Variants in SLC30A8 observed in about 807,000 individuals in gnomAD.
SLC30A8 encodes proton-coupled zinc antiporter SLC30A8.
A neutral mutation model predicts 36.9 loss-of-function variants in SLC30A8; 27 were observed. The observed-to-expected ratio is 0.73, with a 90% CI of 0.54 to 1.01. SLC30A8 has a LOEUF of 1.01. Among genes scored for constraint, SLC30A8 ranks in the 50% least tolerant of loss-of-function variants. The pLI, the probability that SLC30A8 is intolerant of heterozygous loss-of-function variation, is 0.00. For missense variants in SLC30A8, 439 were observed against 452.0 expected, an observed-to-expected ratio of 0.97 and a Z score of 0.26; for synonymous variants, 164 against 172.4, an observed-to-expected ratio of 0.95 and a Z score of 0.38.
At chr8:117,062,675 G>A (rs1300956672) in intron 2 of SLC30A8, among the ~76,000 whole-genome samples, 1 of 152,216 alleles carries the variant, frequency 6.6e-6, no homozygotes, top group Non-Finnish European at 1.5e-5. Context: ...TGGCACATAA[G>A]TGTGGCCATA....
At chr8:117,089,017 C>T (rs1027857904) in intron 2 of SLC30A8, among the ~76,000 whole-genome samples, 2 of 152,238 alleles carry the variant, frequency 1.3e-5, no homozygotes, top group Non-Finnish European at 2.9e-5. Flanking sequence ...GTCCTCACTG[C>T]ATATTTCACC....
chr8:117,041,067 A>T (rs2130756608), intron 2 of SLC30A8, among the ~76,000 whole-genome samples: 1 of 152,350 alleles, frequency 6.6e-6, no homozygotes, highest in East Asian at 1.9e-4. Flanking sequence ...GCACAGATGC[A>T]TGCTGGATTC....
At chr8:116,952,503 G>A (rs914362227) in intron 1 of SLC30A8, among the ~76,000 whole-genome samples, 1 of 151,922 alleles carries the variant, frequency 6.6e-6, no homozygotes, top group African/African-American at 2.4e-5. Flanking sequence ...GGAGTGCAGA[G>A]GCATGATTTC....
chr8:116,959,904 T>C (rs549986726), intron 1 of SLC30A8, among the ~76,000 whole-genome samples: 1 of 152,246 alleles, frequency 6.6e-6, no homozygotes, highest in Non-Finnish European at 1.5e-5. Context: ...GCATATCCCC[T>C]GAAGATCTTG....
At chr8:117,102,192 T>C (rs984208146) in intron 2 of SLC30A8, among the ~76,000 whole-genome samples, 2 of 152,228 alleles carry the variant, frequency 1.3e-5, no homozygotes, top group Non-Finnish European at 2.9e-5. Flanking sequence ...ACTTGAATTT[T>C]AGCTTGTGCT....
At chr8:117,079,024 T>C (rs1262555573) in intron 2 of SLC30A8, among the ~76,000 whole-genome samples, 1 of 151,662 alleles carries the variant, frequency 6.6e-6, no homozygotes, top group Admixed American at 6.6e-5. Context: ...TTTGTCTTTT[T>C]TTTTTGAGAC....
Position 117,001,204 on chromosome 8 carries a change from CTTTTTTTTTTT to C in SLC30A8, c.-265-38003_-265-37993del, listed in dbSNP as rs34639384. ...CGTAGGAGAAAATATTTGCTAGGGG[CTTTTTTTTTTT>C]TTTTTTTTTTTGGAATTTTCTCTTT... On this transcript the variant is annotated intron_variant, in intron 1 of 10. Transcript: ENST00000427715. Among the ~76,000 whole-genome samples the C allele has an allele frequency of 1.1e-4, 9 of 78,306 alleles. No individual in the cohort carries two copies. The East Asian group carries it at 1.3e-3, about 11-fold the overall frequency. 51.4% of individuals were successfully genotyped at this position (78,306 alleles called of 152,430 possible). A position where few individuals can be genotyped will look rare whatever the true frequency, so the allele number is the denominator to read the frequency against.
rs1037556982 is a variant in SLC30A8, at chr8:117,036,713, C to T, written c.-265-2506C>T. 2.0e-5 allele frequency among the ~76,000 whole-genome samples: 3 copies of T among 152,258 alleles called. No individual in the cohort carries two copies. The South Asian group carries it at 6.2e-4, about 32-fold the overall frequency. ...CACGAGAATAGCATGGGGGAAACCACCCCCATGATTCAATCACCTCCCACC... is the reference window on the plus strand; with the variant it reads ...CACGAGAATAGCATGGGGGAAACCATCCCCATGATTCAATCACCTCCCACC... On this transcript the variant is annotated intron_variant, in intron 1 of 10. Transcript: ENST00000427715.
intron 1 of SLC30A8, among the ~76,000 whole-genome samples, chr8:117,010,511 C>T (rs1200402244): frequency 1.3e-5 from 2 of 152,114 alleles, no homozygotes; most frequent in African/African-American, 2.4e-5. Context: ...ATTTAGGCAA[C>T]GGTCGAAAAG....
upstream of SLC30A8, among the ~76,000 whole-genome samples, chr8:117,131,524 A>C (rs1166278059): frequency 6.6e-6 from 1 of 151,982 alleles, no homozygotes; most frequent in Non-Finnish European, 1.5e-5. Flanking sequence ...GGGTAGAATG[A>C]GGCAGACATC....
chr8:117,054,504 A>G (rs910717821), intron 2 of SLC30A8, among the ~76,000 whole-genome samples: 1 of 152,138 alleles, frequency 6.6e-6, no homozygotes, highest in Non-Finnish European at 1.5e-5. Context: ...TCTTAATGGT[A>G]TCCAGTTTGT....
intron 1 of SLC30A8, among the ~76,000 whole-genome samples, chr8:117,143,694 ACACT>A (rs1563623927): frequency 6.6e-6 from 1 of 151,268 alleles, no homozygotes. Flanking sequence ...ACACACACAC[ACACT>A]CACACATGAA....
rs770454987 is a variant in SLC30A8, at chr8:117,172,551, G to C, written c.980G>C (p.Ser327Thr). The part of the protein sequence containing the change: ...AHVATAASRD[S>T]QVVRREIAKA... ...TTATCAACAGCAGCCAGCCGGGACA[G>C]CCAAGTGGTTCGGAGAGAAATTGCT... is the stretch of plus-strand genomic sequence containing the variant. Residue 327 changes from serine (S) to threonine (T), a missense_variant, in exon 8 of 8, where the codon AGC becomes ACC. Physicochemically the swap from Ser to Thr is moderately conservative, Grantham distance 58. Transcript: ENST00000456015. 4.9e-5 allele frequency: 79 copies of C among 1,613,534 alleles called. No homozygotes were observed. The highest frequency in any genetic ancestry group is 5.9e-5 in the Non-Finnish European group (70 of 1,179,684).
At chr8:117,097,941 T>G (rs1426326356) in intron 2 of SLC30A8, among the ~76,000 whole-genome samples, 1 of 111,902 alleles carries the variant, frequency 8.9e-6, no homozygotes, top group Non-Finnish European at 1.6e-5. Context: ...TTATATATAA[T>G]ATATAATTTT....
chr8:117,055,723 T>C (rs1287626655), intron 2 of SLC30A8: 1 of 152,226 alleles, frequency 6.6e-6, no homozygotes, highest in Non-Finnish European at 1.5e-5. Context: ...ACCACTAATA[T>C]AATGAGTGTT....
chr8:117,038,475 T>C (rs942924785), intron 1 of SLC30A8, among the ~76,000 whole-genome samples: 12 of 152,210 alleles, frequency 7.9e-5, no homozygotes, highest in African/African-American at 2.9e-4. Flanking sequence ...ATTTCTTGAT[T>C]GTATAGTCTT....
At chr8:117,073,956 G>T (rs1047714069) in intron 2 of SLC30A8, among the ~76,000 whole-genome samples, 31 of 137,034 alleles carry the variant, frequency 2.3e-4, no homozygotes, top group Non-Finnish European at 4.3e-4. Flanking sequence ...AAGGTAGATG[G>T]CATTGGGAAA....
At chr8:117,106,848 A>C (rs1239657299) in intron 2 of SLC30A8, among the ~76,000 whole-genome samples, 1 of 152,316 alleles carries the variant, frequency 6.6e-6, no homozygotes, top group Non-Finnish European at 1.5e-5. Flanking sequence ...TAGTTGGCTT[A>C]TGACACACCT....
intron 1 of SLC30A8, among the ~76,000 whole-genome samples, chr8:117,007,300 A>C (rs947575601): frequency 5.9e-5 from 9 of 152,180 alleles, no homozygotes; most frequent in African/African-American, 2.2e-4. Context: ...GTTGCAAAAC[A>C]GGTTTTGGAG....
Sources: allele counts gnomAD v4.1 joint callset (sites outside exome capture counted in the v4.1 genomes callset), GRCh38; gene constraint gnomAD v4.1.1; transcripts MANE v1.5; gene names NCBI Gene and HGNC (gene_info 2026-07-23, HGNC 2026-07-21).